ATPAF1: variants seen among roughly 807,000 people sequenced by gnomAD.
The protein encoded by ATPAF1 is ATP synthase mitochondrial F1 complex assembly factor 1.
ATPAF1 carries 26 observed loss-of-function variants against 43.9 expected under a neutral mutation model. The observed-to-expected ratio is 0.59, with a 90% CI of 0.43 to 0.82. The LOEUF is 0.82. Ranked by LOEUF, ATPAF1 falls within the 40% of genes least tolerant of loss-of-function variation. The pLI, the probability that ATPAF1 is intolerant of heterozygous loss-of-function variation, is 0.00. For missense variants in ATPAF1, 366 were observed against 435.0 expected (o/e 0.84, Z 1.41); for synonymous variants, 157 against 168.0 (o/e 0.93, Z 0.50).
chr1:46,660,350 T>C (rs2148825295), intron 2 of ATPAF1, among the ~76,000 whole-genome samples: 1 of 152,344 alleles, frequency 6.6e-6, no homozygotes. Context: ...AAACCTCCAC[T>C]TGCACAGCTG....
At chr1:46,658,334 G>C (rs905868667) in intron 3 of ATPAF1, 145 bp from the exon 4 acceptor site, 3 of 722,296 alleles carry the variant, frequency 4.2e-6, no homozygotes, top group Admixed American at 3.0e-5. Context: ...AAACCCACAT[G>C]CTCAGAGAAA....
intron 1 of ATPAF1, chr1:46,666,237 G>C (rs635972): frequency 2.5e-5 from 5 of 199,642 alleles, no homozygotes; most frequent in Non-Finnish European, 4.2e-5. Flanking sequence ...ATGTAGATGG[G>C]ATGTTTTTCT....
At chr1:46,658,761 T>C (rs763931519) in intron 2 of ATPAF1, 24 bp from the exon 3 acceptor site, 1 of 1,530,040 alleles carries the variant, frequency 6.5e-7, no homozygotes, top group Non-Finnish European at 8.8e-7. Context: ...GACAAGATAT[T>C]AATCTACACT....
chr1:46,660,006 T>C (rs555936846), intron 2 of ATPAF1, among the ~76,000 whole-genome samples: 37 of 151,364 alleles, frequency 2.4e-4, no homozygotes, highest in Non-Finnish European at 4.7e-4. Context: ...AGACAGGGTC[T>C]AGCTCTGTTG....
At chr1:46,644,777 G>A (rs1296820065) in intron 7 of ATPAF1, among the ~76,000 whole-genome samples, 1 of 152,146 alleles carries the variant, frequency 6.6e-6, no homozygotes, top group African/African-American at 2.4e-5. Context: ...CATGTTGGAA[G>A]GTGTTGACTT....
chr1:46,646,353 T>C (rs1035476301), intron 6 of ATPAF1, among the ~76,000 whole-genome samples: 4 of 152,262 alleles, frequency 2.6e-5, no homozygotes, highest in African/African-American at 9.6e-5. Context: ...TCTTGATGGA[T>C]GTTTCAATTT....
rs1342672957 is a variant in ATPAF1, at chr1:46,653,183, C to CAAGTTTT, written c.541-556_541-555insAAAACTT. Among the ~76,000 whole-genome samples the CAAGTTTT allele has an allele frequency of 5.3e-5, 8 of 152,132 alleles. No homozygotes were observed. The highest frequency in any genetic ancestry group is 4.1e-4 in the South Asian group (2 of 4,828). On this transcript the variant is annotated intron_variant, in intron 5 of 8. Coordinates refer to ENST00000574428, the Ensembl canonical transcript of ATPAF1. This position sits in a 1 kb window ranked among gnomAD's most constrained non-coding sequence, Gnocchi z 4.8. ...AGAAACTTAACCTAAGCTCCCACCC[C>CAAGTTTT]TCCTTCAGGGAAAAACAAAGAACTA...
At chr1:46,652,807 T>C (rs1676196040) in intron 5 of ATPAF1, among the ~76,000 whole-genome samples, 179 bp from the exon 6 acceptor site, 1 of 152,214 alleles carries the variant, frequency 6.6e-6, no homozygotes, top group Non-Finnish European at 1.5e-5. Flanking sequence ...GATGTCTGTT[T>C]TGCTGTTTAT....
chr1:46,650,634 A>G (rs1266864701), intron 6 of ATPAF1, among the ~76,000 whole-genome samples: 1 of 152,222 alleles, frequency 6.6e-6, no homozygotes, highest in African/African-American at 2.4e-5. Context: ...GTGTCCATCA[A>G]CAAATGAATG....
At chr1:46,665,862 C>T (rs1404265111) in intron 1 of ATPAF1, 6 of 1,414,054 alleles carry the variant, frequency 4.2e-6, no homozygotes, top group Non-Finnish European at 5.5e-6. Flanking sequence ...ATCTGAGTAT[C>T]TCCCTAACCT....
At chr1:46,637,799 C>T (rs1373246087) in intron 8 of ATPAF1, among the ~76,000 whole-genome samples, 2 of 152,154 alleles carry the variant, frequency 1.3e-5, no homozygotes, top group Admixed American at 1.3e-4. Flanking sequence ...GAAGGGACCT[C>T]AGAGATCACC....
intron 1 of ATPAF1, chr1:46,666,488 A>G (rs1676493594): frequency 6.6e-6 from 1 of 152,258 alleles, no homozygotes; most frequent in Non-Finnish European, 1.5e-5. Flanking sequence ...AGAAATAAAT[A>G]AGTCAGACTC....
chr1:46,656,573 T>A (rs1676277569), intron 4 of ATPAF1, among the ~76,000 whole-genome samples: 2 of 152,232 alleles, frequency 1.3e-5, no homozygotes, highest in South Asian at 4.1e-4. Flanking sequence ...TTTATGATAT[T>A]AGCAGACAGT....
chr1:46,636,276 C>G, intron 8 of ATPAF1: 1 of 441,630 alleles, frequency 2.3e-6, no homozygotes, highest in Non-Finnish European at 4.2e-6. Context: ...TGCAGAGTGA[C>G]ATCTGGTGAA....
chr1:46,663,380 C>G, intron 2 of ATPAF1, among the ~76,000 whole-genome samples: 1 of 152,196 alleles, frequency 6.6e-6, no homozygotes, highest in Non-Finnish European at 1.5e-5. Flanking sequence ...AATGTTTGAA[C>G]TAGTTTACAG....
intron 6 of ATPAF1, among the ~76,000 whole-genome samples, chr1:46,648,137 A>C (rs1676077263): frequency 6.6e-6 from 1 of 152,096 alleles, no homozygotes; most frequent in Non-Finnish European, 1.5e-5. Flanking sequence ...TTTGAGACAG[A>C]ATCTCACTCT....
At chr1:46,658,294 G>A (rs917360981) in intron 3 of ATPAF1, 105 bp from the exon 4 acceptor site, 7 of 923,864 alleles carry the variant, frequency 7.6e-6, no homozygotes, top group Non-Finnish European at 1.2e-5. Flanking sequence ...CAATGAAACA[G>A]ATTTCCAAAA....
chr1:46,642,359 T>C (rs950705530), intron 8 of ATPAF1, among the ~76,000 whole-genome samples: 1 of 152,204 alleles, frequency 6.6e-6, no homozygotes. Flanking sequence ...TAGGGGGAAG[T>C]GTCCACTGTT....
intron 6 of ATPAF1, among the ~76,000 whole-genome samples, chr1:46,650,248 A>G (rs563816973): frequency 1.3e-4 from 20 of 150,190 alleles, no homozygotes; most frequent in African/African-American, 4.4e-4. Context: ...GCTATTACGA[A>G]AAAAAAAAAG....
Sources: allele counts gnomAD v4.1 joint callset (sites outside exome capture counted in the v4.1 genomes callset), GRCh38; gene constraint gnomAD v4.1.1; non-coding constraint Gnocchi (gnomAD v3.1); transcripts MANE v1.5; gene names NCBI Gene and HGNC (gene_info 2026-07-23, HGNC 2026-07-21).